The following RGPD1 variants were observed in gnomAD, a reference collection of about 807,000 sequenced individuals.
RGPD1 encodes RANBP2-like and GRIP domain-containing protein 1.
RGPD1 carries 7 observed loss-of-function variants against 40.6 expected under a neutral mutation model. The ratio of observed to expected loss-of-function variants is 0.17; its 90% CI spans 0.10 to 0.32. The LOEUF is 0.32. Ranked by LOEUF, RGPD1 falls within the 10% of genes least tolerant of loss-of-function variation. RGPD1 has a pLI of 1.00. For synonymous variants in RGPD1, 24 were observed against 167.0 expected (o/e 0.14, Z 6.60); for missense variants, 50 against 472.5 (o/e 0.11, Z 8.29).
rs572417793 is a variant in RGPD1 at position 86,947,580 on chromosome 2, G to A, written c.73-3716G>A. Among the ~76,000 whole-genome samples, 11 of 112,998 alleles carry A rather than the reference G, an allele frequency of 9.7e-5. 3 individuals are homozygous for A. Among genetic ancestry groups the A allele is most frequent in the Admixed American group, 6.9e-4 (8 of 11,642 alleles). The allele number at this position is 112,998 out of a possible 152,430, so 74.1% of individuals were successfully genotyped here. A position where few individuals can be genotyped will look rare whatever the true frequency, so the allele number is the denominator to read the frequency against. On this transcript the variant is annotated intron_variant, in intron 1 of 22. Transcript: ENST00000641458. ...GAAACTCATTTCTTTCAGTTCTGTA[G>A]CGTTTCTTGTATTATTTCTTTGACC...
At chr2:86,931,907 A>T (rs1351898747) in intron 1 of RGPD1, among the ~76,000 whole-genome samples, 1 of 148,462 alleles carries the variant, frequency 6.7e-6, no homozygotes, top group East Asian at 1.9e-4. Flanking sequence ...ACATATAGAC[A>T]GAGAAGATAA....
At chr2:86,938,386 GC>G (rs1265236830), upstream of RGPD1, among the ~76,000 whole-genome samples, 1 of 116,166 alleles carries the variant, frequency 8.6e-6, no homozygotes. Flanking sequence ...TTCTTCCATG[GC>G]CCCAGTGTGA....
At chr2:86,928,743 A>G (rs1252178169) in intron 1 of RGPD1, among the ~76,000 whole-genome samples, 2 of 152,248 alleles carry the variant, frequency 1.3e-5, no homozygotes, top group African/African-American at 4.8e-5. Flanking sequence ...GACAGGCACC[A>G]TTCATGAGGT....
At chr2:86,931,527 CAAT>C (rs1314055730) in intron 1 of RGPD1, among the ~76,000 whole-genome samples, 5 of 151,910 alleles carry the variant, frequency 3.3e-5, no homozygotes, top group East Asian at 1.9e-4. Flanking sequence ...AAGTGACTAA[CAAT>C]AATGATTTCA....
chr2:86,942,542 C>CGGCGGCGGCGGCCTCGACCTGGCCG (rs1553447684), intron 1 of RGPD1, among the ~76,000 whole-genome samples: 7,246 of 73,908 alleles, frequency 0.098, 1,724 homozygotes, highest in East Asian at 0.25. Context: ...CCTGGCCGGG[C>CGGCGGCGGCGGCCTCGACCTGGCCG]GGCGGCGGCG....
At chr2:86,939,798 G>A (rs1679615945), upstream of RGPD1, among the ~76,000 whole-genome samples, 1 of 85,420 alleles carries the variant, frequency 1.2e-5, no homozygotes, top group Non-Finnish European at 2.3e-5. Context: ...GCAGTGGAGT[G>A]AACATAGCTC....
intron 1 of RGPD1, among the ~76,000 whole-genome samples, chr2:86,944,046 A>G (rs965544239): frequency 2.0e-5 from 3 of 152,094 alleles, no homozygotes; most frequent in African/African-American, 4.8e-5. Context: ...CGGAAACTCA[A>G]CGGATGACCA....
Position 86,942,220 on chromosome 2 carries a change from G to A in RGPD1, c.-17G>A, listed in dbSNP as rs1445931362. 33 of 1,600,114 alleles carry A rather than the reference G, an allele frequency of 2.1e-5. No homozygotes were observed. The East Asian group carries it at 7.0e-4, about 34-fold the overall frequency. On this transcript the variant is annotated 5_prime_UTR_variant, in exon 1 of 23. Transcript: ENST00000641458. ...AGCGCTGGTTTCACGCGTCTCGGGA[G>A]CCAGGTTGGCGGTGCGATGAGGCGC...
intron 1 of RGPD1, among the ~76,000 whole-genome samples, chr2:86,914,475 C>CGG (rs1677656824): frequency 1.8e-4 from 1 of 5,648 alleles, no homozygotes; most frequent in Non-Finnish European, 2.6e-4. Flanking sequence ...GCGGCGGCGG[C>CGG]CTCGGCCTCG....
chr2:86,943,918 G>A (rs1346348502), intron 1 of RGPD1, among the ~76,000 whole-genome samples: 2 of 151,982 alleles, frequency 1.3e-5, no homozygotes, highest in African/African-American at 4.8e-5. Flanking sequence ...GGAGGCTGAG[G>A]CAGGAGAGTC....
chr2:86,930,428 A>T, intron 1 of RGPD1: 1 of 1,459,864 alleles, frequency 6.8e-7, no homozygotes, highest in Non-Finnish European at 9.5e-7. Context: ...GTGAACCGGT[A>T]GGGAAAGGAC....
At chr2:86,927,394 A>T (rs990949191) in intron 1 of RGPD1, among the ~76,000 whole-genome samples, 6 of 148,602 alleles carry the variant, frequency 4.0e-5, no homozygotes, top group African/African-American at 1.5e-4. Context: ...CCTCTCATAA[A>T]CAAATTATTT....
At chr2:86,914,891 ACCTGGCCGGGCGGCGGCGGAGGCGGCGG>A (rs1677712623) in intron 1 of RGPD1, among the ~76,000 whole-genome samples, 3 of 8,302 alleles carry the variant, frequency 3.6e-4, no homozygotes, top group African/African-American at 1.7e-3. Context: ...GGCGGCCTCG[ACCTGGCCGGGCGGCGGCGGAGGCGGCGG>A]CCTCGACCTG....
In RGPD1 at chr2:86,930,756, C is replaced by T. The variant is rs527625345; in HGVS notation, c.72+16835C>T. The T allele has an allele frequency of 5.0e-5, 70 of 1,406,364 alleles. 1 individual carries two copies. In the Admixed American group the frequency reaches 1.1e-3, roughly 21 times the overall value. The allele number at this position is 1,406,364 out of a possible 1,614,324, so 87.1% of individuals were successfully genotyped here. On this transcript the variant is annotated intron_variant, in intron 1 of 22. Transcript: ENST00000398193. ...GTTCCCGCTGCTGGCCCGAGCCATA[C>T]CTCCACCTACAGCCCCCTGAGGACC... is the stretch of plus-strand genomic sequence containing the variant.
At chr2:86,914,157 G>T (rs1446275105) in intron 1 of RGPD1, among the ~76,000 whole-genome samples, 11 of 85,576 alleles carry the variant, frequency 1.3e-4, no homozygotes, top group African/African-American at 6.1e-4. Context: ...GGCGGCGGCG[G>T]CGGCCTCGGC....
At chr2:86,928,583 G>A (rs1353691346) in intron 1 of RGPD1, among the ~76,000 whole-genome samples, 1 of 152,204 alleles carries the variant, frequency 6.6e-6, no homozygotes, top group Non-Finnish European at 1.5e-5. Context: ...AAAGTGGTTG[G>A]ATTGTGGATA....
intron 1 of RGPD1, among the ~76,000 whole-genome samples, chr2:86,944,688 T>G (rs1273081826): frequency 1.3e-5 from 2 of 151,890 alleles, no homozygotes; most frequent in Non-Finnish European, 2.9e-5. Flanking sequence ...GTTGGGATTA[T>G]AGGCGTGAGC....
intron 1 of RGPD1, among the ~76,000 whole-genome samples, chr2:86,942,978 C>T (rs1204723814): frequency 6.6e-6 from 1 of 151,936 alleles, no homozygotes; most frequent in South Asian, 2.1e-4. Context: ...GCCTAGTTCT[C>T]GGGGGCTTGG....
At chr2:86,954,765 T>C (rs990555309) in intron 4 of RGPD1, among the ~76,000 whole-genome samples, 2 of 150,624 alleles carry the variant, frequency 1.3e-5, no homozygotes, top group African/African-American at 4.9e-5. Context: ...ACAATGTGTA[T>C]GTATAGTTTT....
Sources: allele counts gnomAD v4.1 joint callset (sites outside exome capture counted in the v4.1 genomes callset), GRCh38; gene constraint gnomAD v4.1.1; transcripts MANE v1.5; gene names NCBI Gene and HGNC (gene_info 2026-07-23, HGNC 2026-07-21).